SDCCAG8: variants seen among roughly 807,000 people sequenced by gnomAD.
SDCCAG8 encodes SHH signaling and ciliogenesis regulator SDCCAG8, also known as serologically defined colon cancer antigen 8.
A neutral mutation model predicts 101.8 loss-of-function variants in SDCCAG8; 74 were observed. That is an observed-to-expected ratio of 0.73 (90% CI 0.60 to 0.88). The LOEUF (loss-of-function observed/expected upper bound fraction) is 0.88, where lower values mean the gene tolerates loss of function less well. Among genes scored for constraint, SDCCAG8 ranks in the 40% least tolerant of loss-of-function variants. SDCCAG8 has a pLI of 0.00. For missense variants in SDCCAG8, 787 were observed against 822.6 expected, an observed-to-expected ratio of 0.96 and a Z score of 0.53; for synonymous variants, 281 against 292.9, an observed-to-expected ratio of 0.96 and a Z score of 0.41.
chr1:243,394,703 T>A (rs889227417), intron 13 of SDCCAG8, among the ~76,000 whole-genome samples: 26 of 152,220 alleles, frequency 1.7e-4, no homozygotes, highest in African/African-American at 5.8e-4. Flanking sequence ...TTACCTTCCA[T>A]CCTACGTCCA....
intron 3 of SDCCAG8, among the ~76,000 whole-genome samples, chr1:243,271,439 A>C (rs1365921741): frequency 6.6e-6 from 1 of 151,060 alleles, no homozygotes; most frequent in Non-Finnish European, 1.5e-5. Flanking sequence ...AGAGGGTCAT[A>C]TCTATTATTG....
intron 16 of SDCCAG8, among the ~76,000 whole-genome samples, chr1:243,446,509 G>T (rs2082917531): frequency 6.6e-6 from 1 of 152,130 alleles, no homozygotes; most frequent in African/African-American, 2.4e-5. Flanking sequence ...CAAGCCATCT[G>T]CCCACCTTGG....
chr1:243,406,850 A>C (rs1336730898), intron 13 of SDCCAG8, among the ~76,000 whole-genome samples: 1 of 152,010 alleles, frequency 6.6e-6, no homozygotes, highest in Non-Finnish European at 1.5e-5. Flanking sequence ...CAAACTGTCC[A>C]CTTCACTTGT....
At chr1:243,455,828 C>G (rs35488407) in intron 16 of SDCCAG8, among the ~76,000 whole-genome samples, 20,004 of 152,220 alleles carry the variant, frequency 0.13, 1,412 homozygotes, top group Non-Finnish European at 0.15. Flanking sequence ...ACGTGATTTA[C>G]TTTATTAGAA....
chr1:243,281,790 A>G (rs1339620411), intron 4 of SDCCAG8, among the ~76,000 whole-genome samples: 1 of 151,400 alleles, frequency 6.6e-6, no homozygotes, highest in African/African-American at 2.4e-5. Flanking sequence ...GACTACAGAC[A>G]TGCACCACTA....
At chr1:243,371,956 G>T (rs894157422) in intron 12 of SDCCAG8, among the ~76,000 whole-genome samples, 1 of 152,026 alleles carries the variant, frequency 6.6e-6, no homozygotes, top group Non-Finnish European at 1.5e-5. Flanking sequence ...GCCAAAGCAA[G>T]CTAGTGCAGC....
intron 5 of SDCCAG8, among the ~76,000 whole-genome samples, chr1:243,291,111 CAGTATGGGT>C (rs1397575915): frequency 2.0e-5 from 3 of 152,194 alleles, no homozygotes; most frequent in Admixed American, 6.5e-5. Flanking sequence ...TGCGACACTG[CAGTATGGGT>C]CAGTGTCTGG....
Position 243,295,819 on chromosome 1 carries a change from C to A in SDCCAG8, c.675+2600C>A, listed in dbSNP as rs2149301178. 1.3e-5 allele frequency among the ~76,000 whole-genome samples: 2 copies of A among 152,156 alleles called. 1 individual carries two copies. The highest frequency in any genetic ancestry group is 4.2e-4 in the South Asian group (2 of 4,808). Reference sequence around the variant, plus strand: ...TAGAATTCCTTTCTCTTTTATGCCTCCCCCTAGCACTGTGTTTATGACTAT... The same window carrying A: ...TAGAATTCCTTTCTCTTTTATGCCTACCCCTAGCACTGTGTTTATGACTAT... On this transcript the variant is annotated intron_variant, in intron 6 of 17. Coordinates refer to ENST00000366541, the MANE Select transcript of SDCCAG8 (RefSeq NM_006642.5).
intron 16 of SDCCAG8, among the ~76,000 whole-genome samples, chr1:243,443,460 G>A (rs1197077101): frequency 2.6e-5 from 4 of 152,130 alleles, no homozygotes; most frequent in Non-Finnish European, 4.4e-5. Flanking sequence ...GCATAGGATG[G>A]GGGCCATGTG....
chr1:243,434,730 C>T (rs993513158), intron 16 of SDCCAG8, among the ~76,000 whole-genome samples: 19 of 152,168 alleles, frequency 1.2e-4, no homozygotes, highest in Middle Eastern at 3.2e-3. Context: ...CTGGAAGTCA[C>T]GTTTGTTTAT....
intron 9 of SDCCAG8, among the ~76,000 whole-genome samples, chr1:243,322,022 AT>A (rs2073798946): frequency 6.6e-6 from 1 of 152,212 alleles, no homozygotes; most frequent in African/African-American, 2.4e-5. Context: ...ATAATGATAT[AT>A]ATCCCTTGGG....
chr1:243,371,050 A>T (rs935983994), intron 12 of SDCCAG8, among the ~76,000 whole-genome samples: 4 of 152,122 alleles, frequency 2.6e-5, no homozygotes, highest in African/African-American at 9.7e-5. Flanking sequence ...CTAGCCCTAA[A>T]GTCTCCTGCA....
In SDCCAG8 at chr1:243,436,104, C is replaced by T. The variant is rs925788947; in HGVS notation, c.1985+9546C>T. On this transcript the variant is annotated intron_variant, in intron 16 of 17. Transcript: ENST00000366541. ...AGTTTTGTACATTCTGTGGTTTGGA[C>T]GAACACATGATATATCTCTACCATT... 2.6e-5 allele frequency among the ~76,000 whole-genome samples: 4 copies of T among 151,262 alleles called. 1 individual carries two copies. The highest frequency in any genetic ancestry group is 3.9e-4 in the East Asian group (2 of 5,168).
intron 9 of SDCCAG8, chr1:243,318,391 A>C (rs1346237674): frequency 1.8e-5 from 3 of 169,618 alleles, no homozygotes; most frequent in Non-Finnish European, 3.6e-5. Flanking sequence ...AGCAGAAGAG[A>C]TCACTATTGG....
At chr1:243,332,707 G>A (rs986697444) in intron 10 of SDCCAG8, among the ~76,000 whole-genome samples, 41 of 145,992 alleles carry the variant, frequency 2.8e-4, no homozygotes, top group Admixed American at 1.5e-3. Context: ...TGATTTTCGC[G>A]GTCCAGGTCT....
At chr1:243,321,223 A>G (rs1301632830) in intron 9 of SDCCAG8, among the ~76,000 whole-genome samples, 2 of 152,140 alleles carry the variant, frequency 1.3e-5, no homozygotes, top group African/African-American at 2.4e-5. Flanking sequence ...ATCAAAATGT[A>G]TTATTATTGC....
intron 15 of SDCCAG8, among the ~76,000 whole-genome samples, chr1:243,420,476 C>T (rs189042558): frequency 7.6e-4 from 116 of 152,236 alleles, no homozygotes; most frequent in African/African-American, 2.5e-3. Context: ...CATTTTCCGA[C>T]GGACATAAGT....
intron 17 of SDCCAG8, among the ~76,000 whole-genome samples, chr1:243,495,457 T>C (rs1667579024): frequency 6.6e-6 from 1 of 152,200 alleles, no homozygotes; most frequent in Non-Finnish European, 1.5e-5. Flanking sequence ...GTGGAGGCTG[T>C]TATCAGGGGC....
At chr1:243,405,931 G>T (rs1157322302) in intron 13 of SDCCAG8, among the ~76,000 whole-genome samples, 1 of 148,276 alleles carries the variant, frequency 6.7e-6, no homozygotes, top group Non-Finnish European at 1.5e-5. Context: ...TTTAATAATA[G>T]AATAATAGAA....
Sources: allele counts gnomAD v4.1 joint callset (sites outside exome capture counted in the v4.1 genomes callset), GRCh38; gene constraint gnomAD v4.1.1; transcripts MANE v1.5; gene names NCBI Gene and HGNC (gene_info 2026-07-23, HGNC 2026-07-21).